The following TBC1D12 variants were observed in gnomAD, a reference collection of about 807,000 sequenced individuals.
The protein encoded by TBC1D12 is TBC1 domain family member 12, also known as TBC1 domain family, member 12.
Under a neutral mutation model 86.7 loss-of-function variants are expected in TBC1D12, and 56 were observed. The ratio of observed to expected loss-of-function variants is 0.65; its 90% CI spans 0.52 to 0.81. The LOEUF (loss-of-function observed/expected upper bound fraction) is 0.81. Ranked by LOEUF, TBC1D12 falls within the 30% of genes least tolerant of loss-of-function variation. TBC1D12 has a pLI of 0.00. For missense variants in TBC1D12, 1,023 were observed against 1,038.8 expected, an observed-to-expected ratio of 0.98 and a Z score of 0.21; for synonymous variants, 421 against 411.7, an observed-to-expected ratio of 1.02 and a Z score of -0.27.
intron 3 of TBC1D12, among the ~76,000 whole-genome samples, chr10:94,488,386 CTTTT>C (rs770258959): frequency 6.7e-5 from 5 of 74,810 alleles, no homozygotes; most frequent in Admixed American, 4.5e-4. Flanking sequence ...CCCAAGGGGT[CTTTT>C]TTTTTTTTTT....
chr10:94,466,430 A>G (rs966625554), intron 2 of TBC1D12, among the ~76,000 whole-genome samples: 2 of 152,080 alleles, frequency 1.3e-5, no homozygotes, highest in Non-Finnish European at 2.9e-5. Context: ...ATATATGTAT[A>G]TATGTATATA....
chr10:94,474,614 G>C, intron 2 of TBC1D12, 54 bp from the exon 3 acceptor site: 1 of 1,293,586 alleles, frequency 7.7e-7, no homozygotes, highest in Non-Finnish European at 1.1e-6. Flanking sequence ...AGATTTAATA[G>C]TACAAACTAT....
Position 94,536,207 on chromosome 10 carries a change from A to C in TBC1D12, c.*3111A>C, listed in dbSNP as rs1399271582. ...ACAGTATATTTTCAATTAAAAAAAA[A>C]CTTTTCCTAAAATACTCAAAATAAT... is the stretch of plus-strand genomic sequence containing the variant. On this transcript the variant is annotated 3_prime_UTR_variant, in exon 13 of 13. Transcript: ENST00000225235. Among the ~76,000 whole-genome samples the C allele has an allele frequency of 6.6e-6, 1 of 152,052 alleles. No individual in the cohort carries two copies. Among genetic ancestry groups the C allele is most frequent in the African/African-American group, 2.4e-5 (1 of 41,430 alleles).
At chr10:94,463,904 C>T (rs1289006415) in intron 2 of TBC1D12, among the ~76,000 whole-genome samples, 1 of 152,104 alleles carries the variant, frequency 6.6e-6, no homozygotes, top group Non-Finnish European at 1.5e-5. Flanking sequence ...CCATAATGTA[C>T]TTGGTTATTT....
At chr10:94,500,410 A>G in intron 6 of TBC1D12, 83 bp downstream of exon 6, 1 of 1,106,552 alleles carries the variant, frequency 9.0e-7, no homozygotes, top group South Asian at 1.7e-5. Flanking sequence ...AGTGACCATT[A>G]AAATAAATGG....
intron 1 of TBC1D12, 45 bp downstream of exon 1, chr10:94,403,629 G>A (rs1246669583): frequency 7.1e-7 from 1 of 1,408,414 alleles, no homozygotes; most frequent in Non-Finnish European, 9.2e-7. Flanking sequence ...CCGGGGCCGG[G>A]GCCGGAGCCG....
chr10:94,448,606 A>T (rs1210177882), intron 2 of TBC1D12, among the ~76,000 whole-genome samples: 5 of 152,136 alleles, frequency 3.3e-5, no homozygotes, highest in Non-Finnish European at 7.4e-5. Flanking sequence ...CCTCCCTGGT[A>T]GCTGAGACTA....
intron 9 of TBC1D12, among the ~76,000 whole-genome samples, chr10:94,514,230 C>G (rs1301535473): frequency 1.3e-5 from 2 of 152,016 alleles, no homozygotes; most frequent in Non-Finnish European, 2.9e-5. Flanking sequence ...AAAAAATTAG[C>G]CAGGTGTGGT....
intron 1 of TBC1D12, among the ~76,000 whole-genome samples, chr10:94,420,735 T>C (rs182509809): frequency 6.6e-6 from 1 of 152,368 alleles, no homozygotes; most frequent in Non-Finnish European, 1.5e-5. Context: ...ATTGCTTGGA[T>C]ATACCGTTTT....
chr10:94,484,325 G>A (rs572240689), intron 3 of TBC1D12, among the ~76,000 whole-genome samples: 10 of 149,762 alleles, frequency 6.7e-5, no homozygotes, highest in Non-Finnish European at 1.3e-4. Flanking sequence ...CCGGCTCACC[G>A]CAACCTCCAC....
chr10:94,522,714 G>A (rs1324834203), intron 11 of TBC1D12, among the ~76,000 whole-genome samples: 1 of 152,040 alleles, frequency 6.6e-6, no homozygotes, highest in Non-Finnish European at 1.5e-5. Flanking sequence ...AGGAGTTCAA[G>A]ACCAGCCTGT....
chr10:94,513,696 T>A (rs2056553177), intron 9 of TBC1D12, among the ~76,000 whole-genome samples: 1 of 152,006 alleles, frequency 6.6e-6, no homozygotes, highest in African/African-American at 2.4e-5. Flanking sequence ...CCCAGGTAGC[T>A]GGGACTGCAG....
At chr10:94,419,081 G>A (rs527545816) in intron 1 of TBC1D12, among the ~76,000 whole-genome samples, 36 of 152,030 alleles carry the variant, frequency 2.4e-4, no homozygotes, top group African/African-American at 8.2e-4. Flanking sequence ...CACCATGTTG[G>A]CGAGAATAGT....
chr10:94,521,314 A>T (rs1403486701), intron 9 of TBC1D12, among the ~76,000 whole-genome samples: 1 of 151,914 alleles, frequency 6.6e-6, no homozygotes, highest in Non-Finnish European at 1.5e-5. Context: ...TATACAGCTT[A>T]GCCTTTTACT....
At chr10:94,490,648 C>G (rs2056233498) in intron 3 of TBC1D12, among the ~76,000 whole-genome samples, 1 of 152,062 alleles carries the variant, frequency 6.6e-6, no homozygotes. Flanking sequence ...CTTTTAGATA[C>G]TTTTTGGCTT....
intron 3 of TBC1D12, among the ~76,000 whole-genome samples, chr10:94,482,125 A>G (rs916444274): frequency 2.6e-5 from 4 of 152,088 alleles, no homozygotes; most frequent in African/African-American, 2.4e-5. Flanking sequence ...CCAGTATCCA[A>G]TCGTTACCTT....
intron 1 of TBC1D12, among the ~76,000 whole-genome samples, chr10:94,434,770 T>G (rs1265002137): frequency 6.6e-6 from 1 of 150,536 alleles, no homozygotes; most frequent in Non-Finnish European, 1.5e-5. Context: ...AGCTGGGTGT[T>G]GTGGTGTGTG....
chr10:94,422,185 G>GTTTTTTT (rs57798611), intron 1 of TBC1D12, among the ~76,000 whole-genome samples: 4 of 106,818 alleles, frequency 3.7e-5, no homozygotes, highest in Admixed American at 1.0e-4. Context: ...GGTTCATGTA[G>GTTTTTTT]TTTTTTTTTT....
chr10:94,500,320 C>T lies in TBC1D12; in HGVS notation c.1512C>T (p.Ile504=). The change falls in exon 6 of 13, where the codon ATC becomes ATT. Residue 504 remains isoleucine, a synonymous_variant. Transcript: ENST00000225235. ...TAGCTGTAGGAAATGAACTAAATATCACTCCTGGTTTGTATTCTACGTTCA... is the reference window on the plus strand; with the variant it reads ...TAGCTGTAGGAAATGAACTAAATATTACTCCTGGTTTGTATTCTACGTTCA... ...WSLAVGNELN[I]TPELYEIFLS... 1 of 1,613,158 alleles carries T rather than the reference C, an allele frequency of 6.2e-7. No homozygotes were observed. Among genetic ancestry groups the T allele is most frequent in the Non-Finnish European group, 8.5e-7 (1 of 1,179,498 alleles).
Sources: allele counts gnomAD v4.1 joint callset (sites outside exome capture counted in the v4.1 genomes callset), GRCh38; gene constraint gnomAD v4.1.1; transcripts MANE v1.5; gene names NCBI Gene and HGNC (gene_info 2026-07-23, HGNC 2026-07-21).